MATCAP2: variants seen among roughly 807,000 people sequenced by gnomAD.
MATCAP2 encodes the protein microtubule associated tyrosine carboxypeptidase 2, also known as putative tyrosine carboxypeptidase MATCAP2.
the MATCAP2 span, among the ~76,000 whole-genome samples, chr7:36,372,367 T>A: frequency 6.6e-6 from 1 of 152,114 alleles, no homozygotes; most frequent in Non-Finnish European, 1.5e-5. Context: ...GAATTGGTTT[T>A]TCCTTGGCTT....
the MATCAP2 span, among the ~76,000 whole-genome samples, chr7:36,335,676 C>T: frequency 1.3e-3 from 200 of 152,330 alleles, no homozygotes; most frequent in African/African-American, 4.7e-3. Flanking sequence ...CTGAACACAT[C>T]AAAACAATTC....
At chr7:36,384,156 T>G in the MATCAP2 span, among the ~76,000 whole-genome samples, 26 of 152,308 alleles carry the variant, frequency 1.7e-4, no homozygotes, top group African/African-American at 6.3e-4. Flanking sequence ...TTTTTCAGCC[T>G]TTTTATCAGC....
At chr7:36,363,067 A>G in the MATCAP2 span, among the ~76,000 whole-genome samples, 95 of 152,318 alleles carry the variant, frequency 6.2e-4, no homozygotes, top group Non-Finnish European at 1.0e-3. Flanking sequence ...GAGAGGAAAG[A>G]AAGGGTAAAA....
chr7:36,329,122 T>C, the MATCAP2 span, among the ~76,000 whole-genome samples: 1 of 146,030 alleles, frequency 6.8e-6, no homozygotes, highest in Non-Finnish European at 1.6e-5. Context: ...TTTAAAGTTT[T>C]ACTATTAATA....
the MATCAP2 span, among the ~76,000 whole-genome samples, chr7:36,332,587 A>G: frequency 6.6e-6 from 1 of 152,214 alleles, no homozygotes; most frequent in Non-Finnish European, 1.5e-5. Context: ...CAACATAACC[A>G]TCACTAATTT....
At chr7:36,336,001 G>A in the MATCAP2 span, among the ~76,000 whole-genome samples, 1 of 152,210 alleles carries the variant, frequency 6.6e-6, no homozygotes, top group Non-Finnish European at 1.5e-5. Flanking sequence ...GAACCCAGGA[G>A]GCGGAGGTTG....
chr7:36,333,907 A>G, the MATCAP2 span: 1 of 1,614,112 alleles, frequency 6.2e-7, no homozygotes. Flanking sequence ...CAATAATCCC[A>G]TCTTGTATTG....
At chr7:36,387,790 C>A in the MATCAP2 span, among the ~76,000 whole-genome samples, 1 of 151,974 alleles carries the variant, frequency 6.6e-6, no homozygotes, top group Admixed American at 6.6e-5. Context: ...GAGGTAGATA[C>A]AAAGAAACTA....
At chr7:36,379,108 A>G in the MATCAP2 span, among the ~76,000 whole-genome samples, 1 of 152,212 alleles carries the variant, frequency 6.6e-6, no homozygotes, top group African/African-American at 2.4e-5. Flanking sequence ...GGCTGCACCC[A>G]CTGTCCAACC....
chr7:36,339,790 A>C, the MATCAP2 span, among the ~76,000 whole-genome samples: 1 of 152,226 alleles, frequency 6.6e-6, no homozygotes, highest in Non-Finnish European at 1.5e-5. Flanking sequence ...TGAAGACTTA[A>C]AAATGGTTAA....
chr7:36,379,749 G>A, the MATCAP2 span, among the ~76,000 whole-genome samples: 1 of 150,892 alleles, frequency 6.6e-6, no homozygotes, highest in Non-Finnish European at 1.5e-5. Flanking sequence ...ATTGCTGCTA[G>A]TCTACAAACC....
the MATCAP2 span, chr7:36,335,151 G>A: frequency 2.5e-6 from 4 of 1,613,962 alleles, no homozygotes. Context: ...GCTCGGGAAA[G>A]CAGGTCCTCA....
chr7:36,383,916 G>A, the MATCAP2 span: 1 of 1,582,886 alleles, frequency 6.3e-7, no homozygotes. Context: ...TTAGGTCTTG[G>A]CCTTTTCTCT....
the MATCAP2 span, among the ~76,000 whole-genome samples, chr7:36,388,787 G>A: frequency 6.6e-6 from 1 of 152,082 alleles, no homozygotes; most frequent in Non-Finnish European, 1.5e-5. Context: ...CCCTTCTCTC[G>A]GCAGTAAAAG....
At chr7:36,325,321 T>C in the MATCAP2 span, 2 of 152,238 alleles carry the variant, frequency 1.3e-5, no homozygotes, top group Non-Finnish European at 2.9e-5. Context: ...GCAAGATTCA[T>C]GGTTTTGCAA....
At chr7:36,347,988 T>C in the MATCAP2 span, among the ~76,000 whole-genome samples, 1 of 152,118 alleles carries the variant, frequency 6.6e-6, no homozygotes, top group South Asian at 2.1e-4. Context: ...GTTTGGAAAA[T>C]ATTAAACAAA....
chr7:36,350,115 T>A, the MATCAP2 span, among the ~76,000 whole-genome samples: 1 of 152,188 alleles, frequency 6.6e-6, no homozygotes, highest in Non-Finnish European at 1.5e-5. Context: ...CAACCTGAGG[T>A]CTACAAAGAT....
the MATCAP2 span, among the ~76,000 whole-genome samples, chr7:36,385,677 T>G: frequency 6.6e-6 from 1 of 151,868 alleles, no homozygotes; most frequent in Non-Finnish European, 1.5e-5. Flanking sequence ...TCCCAGATAC[T>G]TGGAAGGCTG....
the MATCAP2 span, among the ~76,000 whole-genome samples, chr7:36,351,202 C>T: frequency 6.6e-6 from 1 of 151,058 alleles, no homozygotes; most frequent in East Asian, 2.0e-4. Context: ...TCAAGACCAG[C>T]CTGGCAAACA....
Sources: allele counts gnomAD v4.1 joint callset (sites outside exome capture counted in the v4.1 genomes callset), GRCh38; gene constraint gnomAD v4.1.1; transcripts MANE v1.5; gene names NCBI Gene and HGNC (gene_info 2026-07-23, HGNC 2026-07-21).